Variants in NRP1 observed in about 807,000 individuals in gnomAD.
The protein encoded by NRP1 is neuropilin 1.
A neutral mutation model predicts 106.7 loss-of-function variants in NRP1; 35 were observed. The ratio of observed to expected loss-of-function variants is 0.33; its 90% confidence interval spans 0.25 to 0.43. The LOEUF (loss-of-function observed/expected upper bound fraction) is 0.43. Ranked by LOEUF, NRP1 falls within the 20% of genes least tolerant of loss-of-function variation. NRP1 has a pLI of 1.00. For missense variants in NRP1, 1,024 were observed against 1,170.4 expected (o/e 0.87, Z 1.83); for synonymous variants, 437 against 417.9 (o/e 1.05, Z -0.56).
chr10:33,295,210 G>A (rs765522081), intron 2 of NRP1, among the ~76,000 whole-genome samples: 2 of 152,118 alleles, frequency 1.3e-5, no homozygotes, highest in Admixed American at 1.3e-4. Flanking sequence ...ATATAGCCAA[G>A]GTTTTCCAGT....
In NRP1 at chr10:33,202,925, G is replaced by A; in HGVS notation, c.1830C>T (p.Cys610=). ...GGAAGTCATCACCTGTTCCACTGTG[G>A]CAGTTGGCCTGGTCGTCATCACATT... ...VDECDDDQAN[C]HSGTGDDFQL... is the part of the protein sequence containing the mutation. Residue 610 remains cysteine, a synonymous_variant, in exon 11 of 17, where the codon TGC becomes TGT. Coordinates refer to ENST00000374867, the MANE Select transcript of NRP1 (RefSeq NM_003873.7). 6.2e-7 allele frequency: 1 copy of A among 1,614,214 alleles called. No homozygotes were observed. Among genetic ancestry groups the A allele is most frequent in the Non-Finnish European group, 8.5e-7 (1 of 1,180,036 alleles).
chr10:33,188,922 T>C, intron 13 of NRP1, among the ~76,000 whole-genome samples: 1 of 141,048 alleles, frequency 7.1e-6, no homozygotes, highest in Admixed American at 7.1e-5. Context: ...TATATATATA[T>C]ATATATATAT....
intron 12 of NRP1, 55 bp downstream of exon 12, chr10:33,197,595 C>G: frequency 7.1e-7 from 1 of 1,407,844 alleles, no homozygotes; most frequent in Non-Finnish European, 9.8e-7. Flanking sequence ...GGAGCGCAGC[C>G]GCGGAGAGAA....
At chr10:33,268,193 A>C (rs1377886165) in intron 3 of NRP1, among the ~76,000 whole-genome samples, 1 of 152,108 alleles carries the variant, frequency 6.6e-6, no homozygotes, top group Non-Finnish European at 1.5e-5. Flanking sequence ...AATTATATTA[A>C]TGATTTTTAT....
intron 8 of NRP1, among the ~76,000 whole-genome samples, chr10:33,215,048 C>A (rs1242500832): frequency 6.6e-6 from 1 of 152,116 alleles, no homozygotes; most frequent in Admixed American, 6.5e-5. Flanking sequence ...AAAGAGATAT[C>A]TTTTGAAAAT....
At chr10:33,208,039 C>A in intron 9 of NRP1, among the ~76,000 whole-genome samples, 1 of 152,182 alleles carries the variant, frequency 6.6e-6, no homozygotes, top group East Asian at 1.9e-4. Context: ...GATCCTCCCA[C>A]CTCAGCCTCC....
intron 6 of NRP1, among the ~76,000 whole-genome samples, chr10:33,253,675 AACAG>A (rs1327225683): frequency 1.3e-5 from 2 of 152,238 alleles, no homozygotes; most frequent in Non-Finnish European, 2.9e-5. Context: ...GAAGCCCATT[AACAG>A]ACAGTGTGTA....
intron 15 of NRP1, among the ~76,000 whole-genome samples, chr10:33,184,180 A>G (rs1200295064): frequency 2.0e-5 from 3 of 151,966 alleles, no homozygotes; most frequent in Admixed American, 2.0e-4. Context: ...ACGCCCAGCT[A>G]ATTTTTGTAT....
At chr10:33,236,060 T>A (rs1840529572) in intron 6 of NRP1, among the ~76,000 whole-genome samples, 1 of 152,230 alleles carries the variant, frequency 6.6e-6, no homozygotes, top group African/African-American at 2.4e-5. Context: ...TTAATACTTT[T>A]AATTAACATT....
intron 2 of NRP1, among the ~76,000 whole-genome samples, chr10:33,310,248 C>CT (rs35513274): frequency 0.086 from 6,856 of 80,146 alleles, 953 homozygotes; most frequent in African/African-American, 0.19. Flanking sequence ...TGCGCCCGGC[C>CT]TTTTTTTTTT....
chr10:33,191,422 C>T (rs77442164), intron 13 of NRP1, among the ~76,000 whole-genome samples: 2,472 of 152,218 alleles, frequency 0.016, 62 homozygotes, highest in African/African-American at 0.056. Flanking sequence ...AATTCCACAC[C>T]GTCTTTCCCC....
chr10:33,229,674 A>C (rs763878503), intron 6 of NRP1, among the ~76,000 whole-genome samples: 1 of 152,140 alleles, frequency 6.6e-6, no homozygotes, highest in Non-Finnish European at 1.5e-5. Context: ...GAAAGAAGTT[A>C]ACTGGTGATC....
At position 33,177,978 on chromosome 10, in the gene NRP1, C is replaced by T. The variant is rs1835471540; in HGVS notation, c.*2098G>A. 1 of 152,524 alleles carries T rather than the reference C, an allele frequency of 6.6e-6. No homozygotes were observed. The highest frequency in any genetic ancestry group is 2.4e-5 in the African/African-American group (1 of 41,426). The allele number at this position is 152,524 out of a possible 1,614,324, so 9.4% of individuals were successfully genotyped here. A position where few individuals can be genotyped will look rare whatever the true frequency, so the allele number is the denominator to read the frequency against. On this transcript the variant is annotated 3_prime_UTR_variant, in exon 17 of 17. Transcript: ENST00000374867. ...ATTTTAAAGTTGCAGTATCATTTTT[C>T]CTTGGCTGAGGACAACTTTAAGTCT...
intron 13 of NRP1, among the ~76,000 whole-genome samples, chr10:33,188,007 T>A (rs1836127571): frequency 6.6e-6 from 1 of 152,184 alleles, no homozygotes; most frequent in Non-Finnish European, 1.5e-5. Flanking sequence ...AGGATGAATG[T>A]CCCTCTCGCT....
At chr10:33,301,245 C>T (rs544229287) in intron 2 of NRP1, among the ~76,000 whole-genome samples, 1 of 152,316 alleles carries the variant, frequency 6.6e-6, no homozygotes, top group Admixed American at 6.5e-5. Flanking sequence ...CGCTTGGCTC[C>T]TCTGTCCTGA....
In NRP1 at chr10:33,283,053, A is replaced by T. The variant is rs1309509363; in HGVS notation, c.249-12197T>A. ...GCCACCGCACCTGAACTTGAAGAAG[A>T]TGGGCAGTGGGCACTAACCTAAGTA... On this transcript the variant is annotated intron_variant, in intron 2 of 16. Transcript: ENST00000374867. Among the ~76,000 whole-genome samples, 3 of 152,198 alleles carry T rather than the reference A, an allele frequency of 2.0e-5. No homozygotes were observed. The East Asian group carries it at 5.8e-4, about 29-fold the overall frequency.
At chr10:33,269,391 T>C (rs544808729) in intron 3 of NRP1, among the ~76,000 whole-genome samples, 1 of 152,292 alleles carries the variant, frequency 6.6e-6, no homozygotes, top group Admixed American at 6.5e-5. Flanking sequence ...ACTCCTGGGC[T>C]CAGGCAGCCC....
chr10:33,276,289 C>A (rs1043743360), intron 2 of NRP1, among the ~76,000 whole-genome samples: 1 of 152,318 alleles, frequency 6.6e-6, no homozygotes, highest in South Asian at 2.1e-4. Flanking sequence ...ACAACACTAT[C>A]TTGGAAGTGA....
intron 2 of NRP1, among the ~76,000 whole-genome samples, chr10:33,310,939 G>A (rs904306819): frequency 6.6e-6 from 1 of 152,046 alleles, no homozygotes; most frequent in South Asian, 2.1e-4. Context: ...GTAAAATGAC[G>A]CCAAGACCAT....
Sources: allele counts gnomAD v4.1 joint callset (sites outside exome capture counted in the v4.1 genomes callset), GRCh38; gene constraint gnomAD v4.1.1; transcripts MANE v1.5; gene names NCBI Gene and HGNC (gene_info 2026-07-23, HGNC 2026-07-21).